The following OTUD7A variants were observed in gnomAD, a reference collection of about 807,000 sequenced individuals.
The protein encoded by OTUD7A is OTU domain-containing protein 7A.
Under a neutral mutation model 65.7 loss-of-function variants are expected in OTUD7A, and 12 were observed. The observed-to-expected ratio is 0.18, with a 90% confidence interval of 0.12 to 0.30. The LOEUF is 0.30. OTUD7A is among the 10% of genes least tolerant of loss of function. OTUD7A has a pLI of 1.00. For missense variants in OTUD7A, 1,148 were observed against 1,304.8 expected, an observed-to-expected ratio of 0.88 and a Z score of 1.85; for synonymous variants, 641 against 586.3, an observed-to-expected ratio of 1.09 and a Z score of -1.35.
intron 1 of OTUD7A, among the ~76,000 whole-genome samples, chr15:31,804,258 C>T (rs1164007629): frequency 6.6e-6 from 1 of 152,134 alleles, no homozygotes; most frequent in Non-Finnish European, 1.5e-5. Context: ...AGGCAGCTCC[C>T]CCTGGCATTG....
At chr15:31,697,353 A>T (rs559039655) in intron 1 of OTUD7A, among the ~76,000 whole-genome samples, 2 of 143,802 alleles carry the variant, frequency 1.4e-5, no homozygotes, top group South Asian at 4.9e-4. Context: ...TCACTCACCC[A>T]CATTACTTTC....
chr15:31,757,343 A>AATATATATATTATATATATATATACGTTT (rs2140899504), intron 1 of OTUD7A, among the ~76,000 whole-genome samples: 2 of 149,232 alleles, frequency 1.3e-5, no homozygotes, highest in Non-Finnish European at 3.0e-5. Flanking sequence ...GAAATGAAAT[A>AATATATATATTATATATATATATACGTTT]ATATATATAT....
intron 4 of OTUD7A, among the ~76,000 whole-genome samples, chr15:31,563,176 C>T (rs908333919): frequency 1.3e-5 from 2 of 152,138 alleles, no homozygotes; most frequent in South Asian, 2.1e-4. Flanking sequence ...GTCCTTCTAG[C>T]CCCTGTACCA....
chr15:31,633,903 G>A (rs767591712), intron 3 of OTUD7A, among the ~76,000 whole-genome samples: 9 of 152,144 alleles, frequency 5.9e-5, no homozygotes, highest in Non-Finnish European at 7.4e-5. Flanking sequence ...CCGGACCTGC[G>A]AGGAACTCAC....
rs114437296 is a variant in OTUD7A at position 31,833,992 on chromosome 15, C to T, written c.-100+36515G>A. 7.0e-3 allele frequency among the ~76,000 whole-genome samples: 1,070 copies of T among 152,274 alleles called. 14 individuals carry two copies. Among genetic ancestry groups the T allele is most frequent in the African/African-American group, 0.025 (1,029 of 41,558 alleles). ...AGCCTTTCTAATGAAACAGGGAGGCCGTGGAGGGCCTTCAGTTTAGCTGCT... is the reference window on the plus strand; with the variant it reads ...AGCCTTTCTAATGAAACAGGGAGGCTGTGGAGGGCCTTCAGTTTAGCTGCT... On this transcript the variant is annotated intron_variant, in intron 1 of 12. Coordinates refer to ENST00000307050, the MANE Select transcript of OTUD7A (RefSeq NM_001382637.1).
intron 1 of OTUD7A, among the ~76,000 whole-genome samples, chr15:31,856,987 G>T (rs996089302): frequency 6.6e-6 from 1 of 152,150 alleles, no homozygotes; most frequent in African/African-American, 2.4e-5. Context: ...GCCGGCAAAC[G>T]CCAACCATCC....
rs2041093000 is a variant in OTUD7A, at chr15:31,480,012, C to T, written c.*3282G>A. ...AAAAAAAGACACTGATACATTCCCA[C>T]TTTCAGAAGGTATTTGAACAAGCAG... On this transcript the variant is annotated 3_prime_UTR_variant, in exon 13 of 13. Coordinates refer to ENST00000307050, the MANE Select transcript of OTUD7A (RefSeq NM_001382637.1). 1 of 152,194 alleles carries T rather than the reference C, an allele frequency of 6.6e-6. No homozygotes were observed. The highest frequency in any genetic ancestry group is 2.4e-5 in the African/African-American group (1 of 41,456). The allele number at this position is 152,194 out of a possible 1,614,324, so 9.4% of individuals were successfully genotyped here. A position where few individuals can be genotyped will look rare whatever the true frequency, so the allele number is the denominator to read the frequency against.
At position 31,688,695 on chromosome 15, in the gene OTUD7A, C is replaced by G. The variant is rs563279643; in HGVS notation, c.-99-31618G>C. Among the ~76,000 whole-genome samples, 36 of 152,260 alleles carry G rather than the reference C, an allele frequency of 2.4e-4. No individual in the cohort carries two copies. In the East Asian group the frequency reaches 6.9e-3, roughly 29 times the overall value. On this transcript the variant is annotated intron_variant, in intron 1 of 12. Transcript: ENST00000307050. ...CTTAGGAGATGATGCCAGAGTGTCT[C>G]ATGATGTCAGCAACTTACTTTCAAA...
At chr15:31,758,625 T>C (rs1267898512) in intron 1 of OTUD7A, among the ~76,000 whole-genome samples, 3 of 152,206 alleles carry the variant, frequency 2.0e-5, no homozygotes, top group Admixed American at 6.5e-5. Context: ...AAAACTAATA[T>C]GTTCTAAAAA....
rs181548817 is a variant in OTUD7A, at chr15:31,863,938, G to T, written c.-100+6569C>A. On this transcript the variant is annotated intron_variant, in intron 1 of 12. Transcript: ENST00000307050. ...TTTAACAGCACCTAAGTCATCTTTT[G>T]AATGTTTTGCTGCTTAGAAGTTTCT... 3.2e-3 allele frequency among the ~76,000 whole-genome samples: 494 copies of T among 152,236 alleles called. 1 individual carries two copies. Among genetic ancestry groups the T allele is most frequent in the Middle Eastern group, 6.8e-3 (2 of 294 alleles).
intron 1 of OTUD7A, among the ~76,000 whole-genome samples, chr15:31,868,684 T>A (rs779594632): frequency 6.6e-6 from 1 of 152,124 alleles, no homozygotes; most frequent in Non-Finnish European, 1.5e-5. Context: ...AGGTGTCCCC[T>A]CTCCTTCTCC....
chr15:31,515,984 A>G (rs74010685), intron 8 of OTUD7A, among the ~76,000 whole-genome samples: 18,835 of 151,450 alleles, frequency 0.12, 1,902 homozygotes, highest in African/African-American at 0.28. Context: ...GCATCCATCC[A>G]TGTACTCATC....
chr15:31,846,581 A>T (rs989758557), intron 1 of OTUD7A, among the ~76,000 whole-genome samples: 1 of 152,076 alleles, frequency 6.6e-6, no homozygotes, highest in African/African-American at 2.4e-5. Context: ...TCATCTACTC[A>T]ACCTGGAGCA....
At chr15:31,486,935 C>T (rs10083590) in intron 12 of OTUD7A, among the ~76,000 whole-genome samples, 42,279 of 152,158 alleles carry the variant, frequency 0.28, 6,066 homozygotes, top group East Asian at 0.4. Flanking sequence ...TGCACACATG[C>T]CTACATGTGT....
At chr15:31,753,952 T>C (rs879374398) in intron 1 of OTUD7A, among the ~76,000 whole-genome samples, 5 of 151,878 alleles carry the variant, frequency 3.3e-5, no homozygotes, top group Non-Finnish European at 7.4e-5. Flanking sequence ...CTGTTTTCCA[T>C]AGTGGTTGTA....
intron 10 of OTUD7A, among the ~76,000 whole-genome samples, chr15:31,488,448 G>C (rs1165172646): frequency 6.6e-6 from 1 of 152,138 alleles, no homozygotes; most frequent in African/African-American, 2.4e-5. Flanking sequence ...TGACACGGTT[G>C]ACTCCTCCCA....
At position 31,643,898 on chromosome 15, in the gene OTUD7A, C is replaced by G. The variant is rs184878662; in HGVS notation, c.151+11198G>C. Among the ~76,000 whole-genome samples the G allele has an allele frequency of 2.0e-5, 3 of 152,312 alleles. No homozygotes were observed. In the East Asian group the frequency reaches 5.8e-4, roughly 29 times the overall value. ...TAACAAAAAGCAGCCCAGGAAATCA[C>G]TCCTCTTCTAATAGAAAGCAGCCTG... On this transcript the variant is annotated intron_variant, in intron 3 of 12. Transcript: ENST00000307050.
At chr15:31,563,852 G>A (rs1888774911) in intron 4 of OTUD7A, among the ~76,000 whole-genome samples, 1 of 152,166 alleles carries the variant, frequency 6.6e-6, no homozygotes, top group Non-Finnish European at 1.5e-5. Context: ...CAACATCTAA[G>A]GCTCTCCAGC....
intron 8 of OTUD7A, among the ~76,000 whole-genome samples, chr15:31,519,990 C>G (rs1595578431): frequency 1.3e-5 from 2 of 150,734 alleles, no homozygotes; most frequent in South Asian, 4.2e-4. Context: ...AAAAAATTGT[C>G]AATGACACAA....
Sources: allele counts gnomAD v4.1 joint callset (sites outside exome capture counted in the v4.1 genomes callset), GRCh38; gene constraint gnomAD v4.1.1; transcripts MANE v1.5; gene names NCBI Gene and HGNC (gene_info 2026-07-23, HGNC 2026-07-21).